The following PSTPIP1 variants were observed in gnomAD, a reference collection of about 807,000 sequenced individuals.
PSTPIP1 encodes proline-serine-threonine phosphatase-interacting protein 1.
PSTPIP1 carries 66 observed loss-of-function variants against 69.6 expected under a neutral mutation model. The observed-to-expected ratio is 0.95, with a 90% CI of 0.78 to 1.16. The LOEUF (loss-of-function observed/expected upper bound fraction) is 1.16. Among genes scored for constraint, PSTPIP1 ranks in the 50% most tolerant of loss-of-function variants. PSTPIP1 has a pLI of 0.00. For missense variants in PSTPIP1, 603 were observed against 557.4 expected (o/e 1.08, Z -0.82); for synonymous variants, 266 against 222.7 (o/e 1.19, Z -1.73).
At position 77,018,541 on chromosome 15, in the gene PSTPIP1, C is replaced by T. The variant is rs2076097866; in HGVS notation, c.212+10C>T. ...GCCAGACGGAGATCAAGTAAGATCT[C>T]CCGGGCCCTGGGGCTCACTCCTCTC... On this transcript the variant is annotated intron_variant, in intron 3 of 14. Coordinates refer to ENST00000558012, the MANE Select transcript of PSTPIP1 (RefSeq NM_003978.5). 6.4e-7 allele frequency: 1 copy of T among 1,551,200 alleles called. No individual in the cohort carries two copies. Among genetic ancestry groups the T allele is most frequent in the African/African-American group, 1.4e-5 (1 of 73,312 alleles).
intron 1 of PSTPIP1, among the ~76,000 whole-genome samples, chr15:77,000,476 T>TATATATATATATATATATATATATATAC (rs1033258180): frequency 6.8e-6 from 1 of 146,794 alleles, no homozygotes; most frequent in African/African-American, 2.6e-5. Context: ...TATATATATA[T>TATATATATATATATATATATATATATAC]ACACACACAC....
chr15:77,025,411 G>T, intron 4 of PSTPIP1, 87 bp from the exon 5 acceptor site: 3 of 1,580,748 alleles, frequency 1.9e-6, no homozygotes, highest in Non-Finnish European at 2.6e-6. Context: ...TGGGGCTGGG[G>T]CTGGGCTGGC....
intron 1 of PSTPIP1, among the ~76,000 whole-genome samples, chr15:77,002,902 G>A (rs2075739327): frequency 6.6e-6 from 1 of 152,164 alleles, no homozygotes; most frequent in South Asian, 2.1e-4. Flanking sequence ...CCTTGCTTTG[G>A]GCTTTGAAGG....
intron 1 of PSTPIP1, among the ~76,000 whole-genome samples, chr15:77,001,393 C>T (rs1289455657): frequency 6.6e-6 from 1 of 152,220 alleles, no homozygotes; most frequent in African/African-American, 2.4e-5. Context: ...CCCAGAATGG[C>T]CTGGAAGGGT....
intron 1 of PSTPIP1, among the ~76,000 whole-genome samples, chr15:77,002,185 A>G (rs2075722912): frequency 6.6e-6 from 1 of 152,196 alleles, no homozygotes; most frequent in Admixed American, 6.5e-5. Context: ...GATGGGACCT[A>G]AGGCACGGCA....
intron 1 of PSTPIP1, among the ~76,000 whole-genome samples, chr15:77,002,681 G>T (rs761587791): frequency 6.6e-6 from 1 of 152,216 alleles, no homozygotes; most frequent in African/African-American, 2.4e-5. Context: ...TTGCTTTTGC[G>T]ATGCCTGCAG....
At chr15:77,036,425 A>G (rs1170511846) in intron 14 of PSTPIP1, among the ~76,000 whole-genome samples, 3 of 152,256 alleles carry the variant, frequency 2.0e-5, no homozygotes, top group East Asian at 1.9e-4. Flanking sequence ...GAGTCTTGCT[A>G]TCGTGCCAGG....
At chr15:77,032,492 C>A in intron 11 of PSTPIP1, 98 bp downstream of exon 11, 1 of 1,295,766 alleles carries the variant, frequency 7.7e-7, no homozygotes, top group Non-Finnish European at 1.1e-6. Flanking sequence ...GCTGGGGTAG[C>A]TCACAGCTCC....
chr15:77,032,805 C>T (rs1568521555), intron 11 of PSTPIP1, 57 bp from the exon 12 acceptor site: 5 of 1,445,872 alleles, frequency 3.5e-6, no homozygotes, highest in Non-Finnish European at 2.8e-6. Context: ...CTGAGTCTGG[C>T]AGGGCCAGAA....
rs1464926091 is a variant in PSTPIP1, at chr15:77,037,467, G to A, written c.*291G>A. 1.6e-5 allele frequency: 5 copies of A among 316,880 alleles called. No homozygotes were observed. The highest frequency in any genetic ancestry group is 4.3e-5 in the African/African-American group (2 of 46,954). 19.6% of individuals were successfully genotyped at this position (316,880 alleles called of 1,614,324 possible). A position where few individuals can be genotyped will look rare whatever the true frequency, so the allele number is the denominator to read the frequency against. ...CTCAGCCGAGGCTTCAGCTATAGTT[G>A]GAGAAGAGGCCTGGCCCCAGTTGCT... On this transcript the variant is annotated 3_prime_UTR_variant, in exon 15 of 15. Transcript: ENST00000558012.
intron 1 of PSTPIP1, among the ~76,000 whole-genome samples, chr15:77,005,850 C>T (rs1183505247): frequency 6.6e-6 from 1 of 152,196 alleles, no homozygotes; most frequent in African/African-American, 2.4e-5. Flanking sequence ...AATACTATTC[C>T]ATTCTACGTA....
At chr15:76,994,877 C>T, upstream of PSTPIP1, 1 of 1,288,422 alleles carries the variant, frequency 7.8e-7, no homozygotes. Context: ...CTGGGCCCAG[C>T]CTGGAAGGGT....
At chr15:77,034,931 G>A (rs566364717) in intron 12 of PSTPIP1, among the ~76,000 whole-genome samples, 123 of 152,372 alleles carry the variant, frequency 8.1e-4, no homozygotes, top group African/African-American at 2.8e-3. Context: ...GCCCAGCGCT[G>A]TCCCGGAACT....
rs374365958 is a variant in PSTPIP1, at chr15:77,019,314, G to A, written c.212+783G>A. On this transcript the variant is annotated intron_variant, in intron 3 of 14. Transcript: ENST00000558012. ...CAGGCCAAGGGGCAGACAGACCACCGGCCTCCAACTTCTTGAAAGGGCTCT... is the reference window on the plus strand; with the variant it reads ...CAGGCCAAGGGGCAGACAGACCACCAGCCTCCAACTTCTTGAAAGGGCTCT... Among the ~76,000 whole-genome samples, 37 of 152,322 alleles carry A rather than the reference G, an allele frequency of 2.4e-4. No individual in the cohort carries two copies. In the East Asian group the frequency reaches 3.5e-3, roughly 14 times the overall value.
chr15:77,031,114 G>C, intron 9 of PSTPIP1, 66 bp from the exon 10 acceptor site: 1 of 1,456,772 alleles, frequency 6.9e-7, no homozygotes. Flanking sequence ...AGCTGTGAAT[G>C]GGGCCCAGCC....
At position 76,995,266 on chromosome 15, in the gene PSTPIP1, T is replaced by A; in HGVS notation, c.-308T>A. On this transcript the variant is annotated 5_prime_UTR_variant, in exon 1 of 15. Transcript: ENST00000558012. ...TCCCTGCCCTGGGTCCCAGACTGTG[T>A]CCTCCATCACCGCAGGGTCGGTGAG... The A allele has an allele frequency of 7.7e-7, 1 of 1,305,020 alleles. No homozygotes were observed. The allele number at this position is 1,305,020 out of a possible 1,614,324, so 80.8% of individuals were successfully genotyped here. A position where few individuals can be genotyped will look rare whatever the true frequency, so the allele number is the denominator to read the frequency against.
intron 3 of PSTPIP1, 138 bp from the exon 4 acceptor site, chr15:77,025,146 C>T: frequency 5.4e-6 from 5 of 920,718 alleles, no homozygotes; most frequent in Non-Finnish European, 8.6e-6. Flanking sequence ...GCTAAAGGGT[C>T]CCTTGGTTCT....
intron 1 of PSTPIP1, among the ~76,000 whole-genome samples, chr15:77,011,069 G>A (rs1348809214): frequency 6.6e-6 from 1 of 152,184 alleles, no homozygotes; most frequent in Non-Finnish European, 1.5e-5. Flanking sequence ...GTGCTTTCCT[G>A]CCTCATCATT....
At chr15:77,001,155 TTTA>T (rs1372790246) in intron 1 of PSTPIP1, among the ~76,000 whole-genome samples, 1 of 152,230 alleles carries the variant, frequency 6.6e-6, no homozygotes, top group African/African-American at 2.4e-5. Context: ...CTGCCAATTA[TTTA>T]TTATTCTGGA....
Sources: gnomAD v4.1 joint callset for allele counts (sites outside exome capture counted in the v4.1 genomes callset) on GRCh38, gnomAD v4.1.1 for gene constraint, MANE v1.5 for transcripts, NCBI Gene and HGNC (gene_info 2026-07-23, HGNC 2026-07-21) for gene names.